Variants in PRKN observed in about 807,000 individuals in gnomAD.
The protein encoded by PRKN is E3 ubiquitin-protein ligase parkin.
In PRKN, 56 loss-of-function variants were observed where a neutral mutation model predicts 59.5. That is an observed-to-expected ratio of 0.94 (90% CI 0.76 to 1.18). The LOEUF (loss-of-function observed/expected upper bound fraction) is 1.18. Among genes scored for constraint, PRKN ranks in the 50% most tolerant of loss-of-function variants. PRKN has a pLI of 0.00. For synonymous variants in PRKN, 250 were observed against 222.1 expected (o/e 1.13, Z -1.12); for missense variants, 657 against 596.4 (o/e 1.10, Z -1.06).
At chr6:162,109,385 G>A (rs1004069107) in intron 4 of PRKN, among the ~76,000 whole-genome samples, 2 of 152,216 alleles carry the variant, frequency 1.3e-5, no homozygotes, top group Non-Finnish European at 2.9e-5. Flanking sequence ...AACTGACTTA[G>A]TAATAGCCAA....
At chr6:162,424,108 A>G (rs1269135522) in intron 2 of PRKN, among the ~76,000 whole-genome samples, 1 of 152,222 alleles carries the variant, frequency 6.6e-6, no homozygotes, top group Non-Finnish European at 1.5e-5. Flanking sequence ...CATGAAAGGT[A>G]CAAAAGAAAC....
Position 161,414,800 on chromosome 6 carries a change from C to T in PRKN, c.1084-27923G>A, listed in dbSNP as rs943134028. Reference sequence around the variant, plus strand: ...CAGGCAGGGCAGCCGCTGAACAGCACCGGGAGGGTCTGTAGTTGCCAGACT... The same window carrying T: ...CAGGCAGGGCAGCCGCTGAACAGCATCGGGAGGGTCTGTAGTTGCCAGACT... On this transcript the variant is annotated intron_variant, in intron 9 of 11. Coordinates refer to ENST00000366898, the MANE Select transcript of PRKN (RefSeq NM_004562.3). This position sits in a 1 kb window ranked among gnomAD's most constrained non-coding sequence, Gnocchi z 5.3. 2.0e-5 allele frequency among the ~76,000 whole-genome samples: 3 copies of T among 152,182 alleles called. No homozygotes were observed. Among genetic ancestry groups the T allele is most frequent in the African/African-American group, 7.2e-5 (3 of 41,426 alleles).
chr6:162,537,417 T>C (rs946426895), intron 1 of PRKN, among the ~76,000 whole-genome samples: 4 of 152,166 alleles, frequency 2.6e-5, no homozygotes, highest in Admixed American at 2.6e-4. Flanking sequence ...ATCACCTATA[T>C]TTTATGCCTG....
intron 1 of PRKN, among the ~76,000 whole-genome samples, chr6:162,576,390 C>T (rs60948081): frequency 0.021 from 3,165 of 152,208 alleles, 108 homozygotes; most frequent in African/African-American, 0.071. Flanking sequence ...ATGAAATCAA[C>T]GCTGCATTAC....
At chr6:162,054,982 C>T (rs972585206) in intron 4 of PRKN, among the ~76,000 whole-genome samples, 20 of 151,972 alleles carry the variant, frequency 1.3e-4, no homozygotes, top group African/African-American at 4.6e-4. Context: ...ACTAACATGG[C>T]GAAACCCTGT....
chr6:161,486,248 G>GT (rs5881412), intron 9 of PRKN, among the ~76,000 whole-genome samples: 115,375 of 151,708 alleles, frequency 0.76, 44,037 homozygotes, highest in Middle Eastern at 0.85. Context: ...ACAGTTATGT[G>GT]TTTTTTTTAA....
chr6:161,426,747 C>T (rs756530032), intron 9 of PRKN, among the ~76,000 whole-genome samples: 13 of 151,480 alleles, frequency 8.6e-5, no homozygotes, highest in Non-Finnish European at 1.6e-4. Context: ...GAGACAGAGT[C>T]TCGCTCTGTC....
At chr6:162,569,691 A>C in intron 1 of PRKN, 1 of 622,194 alleles carries the variant, frequency 1.6e-6, no homozygotes, top group Non-Finnish European at 3.0e-6. Context: ...TGCGATGGGA[A>C]GCTGGTATCC....
chr6:162,360,256 G>C (rs933308699), intron 2 of PRKN, among the ~76,000 whole-genome samples: 4 of 152,066 alleles, frequency 2.6e-5, no homozygotes, highest in South Asian at 2.1e-4. Flanking sequence ...TTTAATATTT[G>C]TTATTTAATC....
chr6:161,890,112 A>G (rs1795287233), intron 6 of PRKN, among the ~76,000 whole-genome samples: 1 of 152,208 alleles, frequency 6.6e-6, no homozygotes, highest in African/African-American at 2.4e-5. Flanking sequence ...TTGTGTGACT[A>G]AAGCAATGAG....
At chr6:162,568,359 C>CCT (rs1371762871) in intron 1 of PRKN, 1 of 393,342 alleles carries the variant, frequency 2.5e-6, no homozygotes, top group Non-Finnish European at 4.7e-6. Flanking sequence ...AATCCACTTG[C>CCT]CTCTACTCCT....
At chr6:162,206,955 T>C (rs1415707106) in intron 3 of PRKN, among the ~76,000 whole-genome samples, 2 of 152,194 alleles carry the variant, frequency 1.3e-5, no homozygotes, top group African/African-American at 4.8e-5. Context: ...TGAGTGAAGG[T>C]ATTCATTAGT....
At chr6:162,203,613 C>A (rs905156515) in intron 3 of PRKN, among the ~76,000 whole-genome samples, 8 of 152,202 alleles carry the variant, frequency 5.3e-5, no homozygotes, top group South Asian at 2.1e-4. Context: ...AGGTTCCCAT[C>A]GGCCTGGCTG....
intron 6 of PRKN, among the ~76,000 whole-genome samples, chr6:161,935,661 G>A (rs774432018): frequency 2.1e-4 from 32 of 151,990 alleles, no homozygotes; most frequent in Admixed American, 6.6e-5. Flanking sequence ...AACTTACAGT[G>A]AAACTTAGGT....
intron 6 of PRKN, among the ~76,000 whole-genome samples, chr6:161,943,117 A>G (rs535893676): frequency 1.6e-4 from 24 of 152,372 alleles, no homozygotes; most frequent in African/African-American, 5.5e-4. Flanking sequence ...TAGTTTTAAG[A>G]TATTTTAGGC....
chr6:162,271,645 A>T (rs946274786), intron 2 of PRKN: 1 of 152,176 alleles, frequency 6.6e-6, no homozygotes. Flanking sequence ...TCAAGACAAG[A>T]TGAGCCAGAG....
chr6:162,144,167 C>T (rs1781905222), intron 4 of PRKN, among the ~76,000 whole-genome samples: 2 of 152,118 alleles, frequency 1.3e-5, no homozygotes, highest in South Asian at 2.1e-4. Flanking sequence ...CCTGTTACCG[C>T]GCACACTTGG....
chr6:161,668,517 T>C (rs1255456189), intron 7 of PRKN, among the ~76,000 whole-genome samples: 1 of 152,212 alleles, frequency 6.6e-6, no homozygotes. Context: ...CAGGTTCTAA[T>C]GTTGATCACC....
At chr6:162,636,131 A>T (rs573298886) in intron 1 of PRKN, among the ~76,000 whole-genome samples, 11 of 147,790 alleles carry the variant, frequency 7.4e-5, no homozygotes, top group Non-Finnish European at 1.5e-4. Context: ...ACAGCTATAT[A>T]TTACTTACAT....
Sources: allele counts gnomAD v4.1 joint callset (sites outside exome capture counted in the v4.1 genomes callset), GRCh38; gene constraint gnomAD v4.1.1; non-coding constraint Gnocchi (gnomAD v3.1); transcripts MANE v1.5; gene names NCBI Gene and HGNC (gene_info 2026-07-23, HGNC 2026-07-21).